STK3: variants seen among roughly 807,000 people sequenced by gnomAD.
STK3 encodes serine/threonine-protein kinase 3.
STK3 carries 41 observed loss-of-function variants against 58.0 expected under a neutral mutation model. That is an observed-to-expected ratio of 0.71 (90% CI 0.55 to 0.92). The LOEUF (loss-of-function observed/expected upper bound fraction) is 0.92. Ranked by LOEUF, STK3 falls within the 40% of genes least tolerant of loss-of-function variation. The probability of loss-of-function intolerance (pLI) is 0.00; values close to 1 mark genes in which losing one functional copy is unlikely to be tolerated. For missense variants in STK3, 479 were observed against 602.7 expected (o/e 0.79, Z 2.15); for synonymous variants, 170 against 191.0 (o/e 0.89, Z 0.91).
intron 10 of STK3, among the ~76,000 whole-genome samples, chr8:98,486,498 C>G (rs1401127532): frequency 1.3e-5 from 2 of 152,122 alleles, no homozygotes; most frequent in Non-Finnish European, 2.9e-5. Flanking sequence ...GATGTGTGAA[C>G]CAGGCTACTC....
intron 1 of STK3, among the ~76,000 whole-genome samples, chr8:98,900,754 T>C (rs1418711348): frequency 6.6e-6 from 1 of 151,430 alleles, no homozygotes; most frequent in Non-Finnish European, 1.5e-5. Flanking sequence ...CTCCCCCCAC[T>C]GGGTTCAAGT....
chr8:98,680,293 T>G (rs1182282402), intron 6 of STK3, among the ~76,000 whole-genome samples: 2 of 152,156 alleles, frequency 1.3e-5, no homozygotes, highest in African/African-American at 2.4e-5. Context: ...GTGACAGAGC[T>G]AAGCAGGAGG....
the STK3 span, among the ~76,000 whole-genome samples, chr8:98,349,133 C>G: frequency 2.0e-5 from 3 of 152,112 alleles, no homozygotes; most frequent in African/African-American, 7.2e-5. Context: ...ATGTGTATTC[C>G]TATAAGAAGC....
chr8:98,661,256 T>C (rs1003018145), intron 6 of STK3, among the ~76,000 whole-genome samples: 20 of 152,188 alleles, frequency 1.3e-4, no homozygotes, highest in Admixed American at 4.6e-4. Context: ...TCTTTGAAAA[T>C]AAGGAAATGC....
At chr8:98,608,576 C>T (rs2130166659) in intron 6 of STK3, among the ~76,000 whole-genome samples, 1 of 152,180 alleles carries the variant, frequency 6.6e-6, no homozygotes, top group African/African-American at 2.4e-5. Context: ...TTCTAAGTAA[C>T]TGTATTTTAA....
intron 1 of STK3, among the ~76,000 whole-genome samples, chr8:98,783,995 T>C (rs1473077136): frequency 1.3e-5 from 2 of 152,182 alleles, no homozygotes; most frequent in Non-Finnish European, 1.5e-5. Context: ...AGCCCAAGTA[T>C]GCAAGACAGT....
At chr8:98,615,049 T>A (rs1817566497) in intron 6 of STK3, among the ~76,000 whole-genome samples, 1 of 151,978 alleles carries the variant, frequency 6.6e-6, no homozygotes, top group Non-Finnish European at 1.5e-5. Flanking sequence ...CTCTGCAGAC[T>A]TAAATGTCCC....
chr8:98,424,357 C>T (rs1183143133), intron 3 of STK3, among the ~76,000 whole-genome samples: 1 of 152,188 alleles, frequency 6.6e-6, no homozygotes, highest in Non-Finnish European at 1.5e-5. Flanking sequence ...ACACAGGGCC[C>T]TAGTGTAGCT....
intron 1 of STK3, among the ~76,000 whole-genome samples, chr8:98,919,011 G>A (rs555754695): frequency 1.3e-5 from 2 of 151,888 alleles, no homozygotes; most frequent in Non-Finnish European, 2.9e-5. Flanking sequence ...GCTCAAAACA[G>A]TGAGAATGAC....
At chr8:98,874,584 T>C (rs995098526) in intron 3 of STK3, among the ~76,000 whole-genome samples, 2 of 151,970 alleles carry the variant, frequency 1.3e-5, no homozygotes, top group Non-Finnish European at 2.9e-5. Flanking sequence ...TATCTATCTA[T>C]ATATAAACAT....
intron 4 of STK3, among the ~76,000 whole-genome samples, chr8:98,710,727 C>T (rs1346260026): frequency 6.6e-6 from 1 of 152,174 alleles, no homozygotes; most frequent in Non-Finnish European, 1.5e-5. Flanking sequence ...AGGGCATAGC[C>T]AAACAAGGCA....
chr8:98,798,859 G>A (rs1037295915), intron 1 of STK3, among the ~76,000 whole-genome samples: 10 of 152,282 alleles, frequency 6.6e-5, no homozygotes, highest in East Asian at 5.8e-4. Flanking sequence ...TCCTCACCTC[G>A]TGAATGGGAT....
chr8:98,840,131 G>A (rs1308169560), intron 3 of STK3, among the ~76,000 whole-genome samples: 8 of 152,112 alleles, frequency 5.3e-5, no homozygotes, highest in African/African-American at 1.9e-4. Flanking sequence ...TGGTTCACTT[G>A]AGGCCAGGAG....
At chr8:98,751,124 T>C (rs1409510612) in intron 3 of STK3, among the ~76,000 whole-genome samples, 1 of 152,076 alleles carries the variant, frequency 6.6e-6, no homozygotes, top group Non-Finnish European at 1.5e-5. Context: ...GAGCCATATA[T>C]GAAAAACCCA....
chr8:98,714,787 A>G (rs1826860370), intron 4 of STK3, among the ~76,000 whole-genome samples: 2 of 152,094 alleles, frequency 1.3e-5, no homozygotes, highest in Non-Finnish European at 2.9e-5. Flanking sequence ...AACTATTTTA[A>G]AGTTCATATG....
intron 3 of STK3, among the ~76,000 whole-genome samples, chr8:98,876,427 G>C (rs1837561561): frequency 6.6e-6 from 1 of 152,188 alleles, no homozygotes; most frequent in Non-Finnish European, 1.5e-5. Context: ...CAGGAGAAAT[G>C]TCCCTAAATT....
intron 3 of STK3, among the ~76,000 whole-genome samples, chr8:98,849,748 A>G (rs990772545): frequency 2.0e-5 from 3 of 152,134 alleles, no homozygotes; most frequent in Non-Finnish European, 2.9e-5. Flanking sequence ...CAATCTCTTC[A>G]TAAATTGCTA....
chr8:98,522,934 CA>C (rs1422590078), intron 10 of STK3, among the ~76,000 whole-genome samples: 1 of 151,998 alleles, frequency 6.6e-6, no homozygotes, highest in Non-Finnish European at 1.5e-5. Flanking sequence ...TTTTTTAATC[CA>C]TTCATCCATC....
intron 8 of STK3, among the ~76,000 whole-genome samples, chr8:98,570,715 T>C (rs1279127321): frequency 6.6e-6 from 1 of 152,122 alleles, no homozygotes; most frequent in Non-Finnish European, 1.5e-5. Flanking sequence ...ATGGTATAAG[T>C]AGTGGCATTA....
Sources: allele counts gnomAD v4.1 joint callset (sites outside exome capture counted in the v4.1 genomes callset), GRCh38; gene constraint gnomAD v4.1.1; transcripts MANE v1.5; gene names NCBI Gene and HGNC (gene_info 2026-07-23, HGNC 2026-07-21).